The following TMC2 variants were observed in gnomAD, a reference collection of about 807,000 sequenced individuals.
The protein encoded by TMC2 is transmembrane channel like 2.
TMC2 carries 102 observed loss-of-function variants against 105.9 expected under a neutral mutation model. The observed-to-expected ratio is 0.96, with a 90% CI of 0.82 to 1.14. The LOEUF is 1.14. Ranked by LOEUF, TMC2 falls within the 50% of genes most tolerant of loss-of-function variation. TMC2 has a pLI of 0.00. For missense variants in TMC2, 1,093 were observed against 1,134.3 expected (o/e 0.96, Z 0.52); for synonymous variants, 402 against 422.8 (o/e 0.95, Z 0.60).
intron 9 of TMC2, among the ~76,000 whole-genome samples, chr20:2,595,979 C>T (rs975597290): frequency 2.6e-5 from 4 of 152,224 alleles, no homozygotes; most frequent in Admixed American, 6.5e-5. Context: ...AACAAGGAGA[C>T]AGGCTTGCTT....
rs374589551 is a variant in TMC2, at chr20:2,613,348, C to T, written c.1872+26C>T. The stretch of plus-strand genomic sequence containing the variant: ...GTAGGTCACCACTTCATGGACATTC[C>T]GCACAAAGGAATTTCAACTATCTTC... On this transcript the variant is annotated intron_variant, in intron 14 of 19. Coordinates refer to ENST00000358864, the MANE Select transcript of TMC2 (RefSeq NM_080751.3). 3.7e-5 allele frequency: 60 copies of T among 1,613,814 alleles called. No individual in the cohort carries two copies. In the African/African-American group the frequency reaches 3.7e-4, roughly 10 times the overall value.
chr20:2,558,403 TC>T lies in TMC2; in HGVS notation c.83-51del. On this transcript the variant is annotated intron_variant, in intron 2 of 19. Coordinates refer to ENST00000358864, the MANE Select transcript of TMC2 (RefSeq NM_080751.3). This position sits in a 1 kb window ranked among gnomAD's most constrained non-coding sequence, Gnocchi z 4.6. ...TGATTTCTCACGGCCGGGGACATTT[TC>T]CTGGGCCTGAGGCCGTTGGAACCAG... 1 of 1,546,276 alleles carries T rather than the reference TC, an allele frequency of 6.5e-7. No homozygotes were observed. Among genetic ancestry groups the T allele is most frequent in the Non-Finnish European group, 8.7e-7 (1 of 1,144,884 alleles).
chr20:2,607,007 G>T (rs1312625920), intron 11 of TMC2, among the ~76,000 whole-genome samples: 1 of 127,022 alleles, frequency 7.9e-6, no homozygotes, highest in Non-Finnish European at 1.7e-5. Context: ...TTCTGTTTTT[G>T]AATACTCATT....
At chr20:2,561,765 C>T in intron 3 of TMC2, 93 bp from the exon 4 acceptor site, 1 of 1,436,604 alleles carries the variant, frequency 7.0e-7, no homozygotes, top group Non-Finnish European at 9.4e-7. Context: ...GGAAGGGGTG[C>T]CATCTTCCAT....
At position 2,561,913 on chromosome 20, in the gene TMC2, C is replaced by G; in HGVS notation, c.457C>G (p.Leu153Val). ...SGGESLSEEE[L>V]AQILEQVEEK... ...TGGGGAGTCCCTGTCCGAGGAGGAA[C>G]TGGCCCAGATCCTGGAGCAGGTGGA... Residue 153 changes from leucine to valine, a missense_variant, in exon 4 of 20, where the codon CTG becomes GTG. Physicochemically the swap from Leu to Val is conservative, Grantham distance 32. Transcript: ENST00000358864. 1 of 1,614,254 alleles carries G rather than the reference C, an allele frequency of 6.2e-7. No homozygotes were observed. The highest frequency in any genetic ancestry group is 1.1e-5 in the South Asian group (1 of 91,092).
rs140712523 is a variant in TMC2, at chr20:2,562,839, G to A, written c.554+829G>A. Among the ~76,000 whole-genome samples, 881 of 152,044 alleles carry A rather than the reference G, an allele frequency of 5.8e-3. 10 individuals carry two copies. The highest frequency in any genetic ancestry group is 0.02 in the African/African-American group (831 of 41,468). Reference sequence around the variant, plus strand: ...CGGGCACCTGTAGTCCCAGTTACTCGGGAGGCTGAGGCAGGAGAATAGCTT... The same window carrying A: ...CGGGCACCTGTAGTCCCAGTTACTCAGGAGGCTGAGGCAGGAGAATAGCTT... On this transcript the variant is annotated intron_variant, in intron 4 of 19. Coordinates refer to ENST00000358864, the MANE Select transcript of TMC2 (RefSeq NM_080751.3).
rs374725964 is a variant in TMC2 at position 2,594,979 on chromosome 20, C to T, written c.1076+12C>T. On this transcript the variant is annotated intron_variant, in intron 9 of 19. Transcript: ENST00000358864. ...ATTGTCATTCGATCGTAAGTATGAC[C>T]GTCTCATCCGCAGGCTTTGACTTCA... 7.5e-5 allele frequency: 120 copies of T among 1,609,904 alleles called. No individual in the cohort carries two copies. The Admixed American group carries it at 8.7e-4, about 12-fold the overall frequency.
intron 16 of TMC2, among the ~76,000 whole-genome samples, chr20:2,623,696 G>C (rs958881810): frequency 6.6e-6 from 1 of 152,086 alleles, no homozygotes; most frequent in African/African-American, 2.4e-5. Flanking sequence ...GGAGTCTCTG[G>C]GCCAGCATTT....
At position 2,595,046 on chromosome 20, in the gene TMC2, C is replaced by T. The variant is rs551687792; in HGVS notation, c.1076+79C>T. The T allele has an allele frequency of 6.1e-5, 90 of 1,477,178 alleles. 2 individuals carry two copies. The South Asian group carries it at 1.0e-3, about 17-fold the overall frequency. 91.5% of individuals were successfully genotyped at this position (1,477,178 alleles called of 1,614,324 possible). On this transcript the variant is annotated intron_variant, in intron 9 of 19. Coordinates refer to ENST00000358864, the MANE Select transcript of TMC2 (RefSeq NM_080751.3). ...CCCTGGCCACTCTATGCCTACCTCC[C>T]TTCTGGTGGGGCATTCAGAGAGAAA... is the stretch of plus-strand genomic sequence containing the variant.
chr20:2,603,895 TCTGTC>T (rs1434106882), intron 11 of TMC2, among the ~76,000 whole-genome samples: 2 of 151,904 alleles, frequency 1.3e-5, no homozygotes, highest in Non-Finnish European at 2.9e-5. Context: ...ATGTGCTGAC[TCTGTC>T]CTAAGTTGGG....
At chr20:2,561,799 C>T in intron 3 of TMC2, 59 bp from the exon 4 acceptor site, 2 of 1,567,794 alleles carry the variant, frequency 1.3e-6, no homozygotes, top group African/African-American at 1.4e-5. Context: ...TTCCACAGCA[C>T]CTGAGGACAC....
chr20:2,542,698 A>ATT (rs34716851), intron 2 of TMC2, among the ~76,000 whole-genome samples: 16,153 of 135,772 alleles, frequency 0.12, 1,079 homozygotes, highest in Middle Eastern at 0.15. Flanking sequence ...TTAGTCCACA[A>ATT]TTTTTTTTTT....
chr20:2,558,604 G>C lies in TMC2; in HGVS notation c.231G>C (p.Arg77Ser). Residue 77 changes from arginine (R) to serine (S), a missense_variant, in exon 3 of 20, where the codon AGG (arginine) becomes AGC (serine). Transcript: ENST00000358864. The surrounding 1 kb of genome is among the most constrained non-coding windows in gnomAD (Gnocchi z 4.6). ...GSPRRKQTGR[R>S]RHREELGEQE... ...CCCGGAGGAAGCAAACAGGGCGCAG[G>C]AGACACAGAGAAGAGCTGGGGGAGC... 6.4e-7 allele frequency: 1 copy of C among 1,557,442 alleles called. No homozygotes were observed. The highest frequency in any genetic ancestry group is 1.4e-5 in the African/African-American group (1 of 73,602).
In TMC2 at chr20:2,558,113, G is replaced by C. The variant is rs1428757355; in HGVS notation, c.83-343G>C. 4 of 298,662 alleles carry C rather than the reference G, an allele frequency of 1.3e-5. No homozygotes were observed. The highest frequency in any genetic ancestry group is 2.2e-5 in the African/African-American group (1 of 45,492). 18.5% of individuals were successfully genotyped at this position (298,662 alleles called of 1,614,324 possible). On this transcript the variant is annotated intron_variant, in intron 2 of 19. Transcript: ENST00000358864. The surrounding 1 kb of genome is among the most constrained non-coding windows in gnomAD (Gnocchi z 4.6). Reference sequence around the variant, plus strand: ...GGTATGATGTCATGGTAATCAACCAGGGGGAAGTAGCAAGGCCTGTTTGTT... The same window carrying C: ...GGTATGATGTCATGGTAATCAACCACGGGGAAGTAGCAAGGCCTGTTTGTT...
At chr20:2,556,681 G>A (rs1376924455) in intron 2 of TMC2, among the ~76,000 whole-genome samples, 1 of 152,234 alleles carries the variant, frequency 6.6e-6, no homozygotes, top group African/African-American at 2.4e-5. Context: ...CAAGGTTATA[G>A]TGAGCTATGA....
intron 5 of TMC2, among the ~76,000 whole-genome samples, chr20:2,574,466 AC>A (rs1196739177): frequency 6.6e-6 from 1 of 152,168 alleles, no homozygotes; most frequent in African/African-American, 2.4e-5. Context: ...ATGATAATAC[AC>A]TTTTTGTTAA....
At chr20:2,591,295 T>C (rs1435346488) in intron 7 of TMC2, among the ~76,000 whole-genome samples, 1 of 152,188 alleles carries the variant, frequency 6.6e-6, no homozygotes, top group Non-Finnish European at 1.5e-5. Context: ...CACAAAATAA[T>C]ATTAGACTAA....
intron 7 of TMC2, among the ~76,000 whole-genome samples, chr20:2,589,807 C>G (rs1319853651): frequency 6.6e-6 from 1 of 152,158 alleles, no homozygotes; most frequent in Non-Finnish European, 1.5e-5. Context: ...GTAGCTGGGA[C>G]TACAGGCGCC....
chr20:2,540,206 G>C (rs1238719930), intron 2 of TMC2, among the ~76,000 whole-genome samples: 1 of 151,336 alleles, frequency 6.6e-6, no homozygotes, highest in Non-Finnish European at 1.5e-5. Context: ...TGGCCAGGCT[G>C]GTCTCAAACT....
Sources: gnomAD v4.1 joint callset for allele counts (sites outside exome capture counted in the v4.1 genomes callset) on GRCh38, gnomAD v4.1.1 for gene constraint, Gnocchi (gnomAD v3.1) non-coding constraint, MANE v1.5 for transcripts, NCBI Gene and HGNC (gene_info 2026-07-23, HGNC 2026-07-21) for gene names.